Variants in C1QTNF7 observed in about 807,000 individuals in gnomAD.
The protein encoded by C1QTNF7 is complement C1q tumor necrosis factor-related protein 7.
Under a neutral mutation model 19.6 loss-of-function variants are expected in C1QTNF7, and 15 were observed. That is an observed-to-expected ratio of 0.76 (90% CI 0.51 to 1.18). The LOEUF is 1.18. Among genes scored for constraint, C1QTNF7 ranks in the 50% most tolerant of loss-of-function variants. The pLI is 0.00. For missense variants in C1QTNF7, 324 were observed against 359.7 expected (o/e 0.90, Z 0.80); for synonymous variants, 142 against 137.5 (o/e 1.03, Z -0.23).
chr4:15,428,172 G>A (rs995812496), intron 1 of C1QTNF7, 66 bp downstream of exon 1: 11 of 736,964 alleles, frequency 1.5e-5, no homozygotes, highest in Middle Eastern at 6.8e-4. Context: ...TTCTCGTGAC[G>A]GGAGCTTTTT....
At chr4:15,382,749 C>T (rs1180158528) in intron 1 of C1QTNF7, among the ~76,000 whole-genome samples, 1 of 152,162 alleles carries the variant, frequency 6.6e-6, no homozygotes, top group South Asian at 2.1e-4. Flanking sequence ...GCCAGACTTT[C>T]TTAAAAAAAG....
At chr4:15,371,612 C>T (rs1717731066) in intron 1 of C1QTNF7, among the ~76,000 whole-genome samples, 1 of 152,054 alleles carries the variant, frequency 6.6e-6, no homozygotes, top group Non-Finnish European at 1.5e-5. Flanking sequence ...TTATGACATC[C>T]TATGAAAGGA....
rs1307863380 is a variant in C1QTNF7, at chr4:15,443,550, T to A, written c.*751T>A. On this transcript the variant is annotated 3_prime_UTR_variant, in exon 3 of 3. Coordinates refer to ENST00000444304, the MANE Select transcript of C1QTNF7 (RefSeq NM_031911.5). Reference sequence around the variant, plus strand: ...GCTTTTACGCATGGAAAAACACTAATCATGCCAAGGTGTATGTGTTTAAGG... The same window carrying A: ...GCTTTTACGCATGGAAAAACACTAAACATGCCAAGGTGTATGTGTTTAAGG... The A allele has an allele frequency of 6.6e-6, 1 of 152,174 alleles. No homozygotes were observed. The highest frequency in any genetic ancestry group is 1.9e-4 in the East Asian group (1 of 5,188). The allele number at this position is 152,174 out of a possible 1,614,324, so 9.4% of individuals were successfully genotyped here.
At chr4:15,422,584 T>A (rs577093790) in intron 1 of C1QTNF7, among the ~76,000 whole-genome samples, 1 of 152,292 alleles carries the variant, frequency 6.6e-6, no homozygotes, top group Non-Finnish European at 1.5e-5. Flanking sequence ...TGATCTCTGT[T>A]TTTTAATATG....
chr4:15,427,943 C>G (rs1239676792), upstream of C1QTNF7: 1 of 843,404 alleles, frequency 1.2e-6, no homozygotes. Context: ...CTCTTTGGGA[C>G]TAAACGAGAA....
chr4:15,367,170 T>C (rs944879713), intron 1 of C1QTNF7, among the ~76,000 whole-genome samples: 2 of 152,208 alleles, frequency 1.3e-5, no homozygotes, highest in East Asian at 1.9e-4. Flanking sequence ...AATCCAAATC[T>C]TAAAATTAGA....
intron 1 of C1QTNF7, among the ~76,000 whole-genome samples, chr4:15,409,769 C>T (rs574809047): frequency 4.3e-4 from 66 of 152,234 alleles, no homozygotes; most frequent in African/African-American, 1.6e-3. Context: ...GTGAGCATCT[C>T]ATCTATGAAA....
upstream of C1QTNF7, among the ~76,000 whole-genome samples, chr4:15,423,191 T>G (rs1395984397): frequency 6.6e-6 from 1 of 152,214 alleles, no homozygotes; most frequent in Non-Finnish European, 1.5e-5. Context: ...AAGTCACTTC[T>G]TACTGAATCT....
rs983853481 is a variant in C1QTNF7, at chr4:15,444,252, T to C, written c.*1453T>C. The C allele has an allele frequency of 6.6e-6, 1 of 152,182 alleles. No homozygotes were observed. Among genetic ancestry groups the C allele is most frequent in the Admixed American group, 6.5e-5 (1 of 15,284 alleles). The allele number at this position is 152,182 out of a possible 1,614,324, so 9.4% of individuals were successfully genotyped here. On this transcript the variant is annotated 3_prime_UTR_variant, in exon 3 of 3. Transcript: ENST00000444304. ...TAGATTCTGTGAAGACAGAAGAGTATCAAGATTAATATATTAATAGTATAG... is the reference window on the plus strand; with the variant it reads ...TAGATTCTGTGAAGACAGAAGAGTACCAAGATTAATATATTAATAGTATAG...
chr4:15,351,644 A>C (rs1716944553), intron 1 of C1QTNF7, among the ~76,000 whole-genome samples: 1 of 152,148 alleles, frequency 6.6e-6, no homozygotes, highest in Non-Finnish European at 1.5e-5. Context: ...GGTGGAACCC[A>C]GGTGTGAATA....
upstream of C1QTNF7, among the ~76,000 whole-genome samples, chr4:15,426,092 T>A (rs16891939): frequency 0.26 from 39,423 of 151,944 alleles, 6,149 homozygotes; most frequent in East Asian, 0.38. Context: ...GGAACACTGA[T>A]GGGATTGGAA....
intron 1 of C1QTNF7, among the ~76,000 whole-genome samples, chr4:15,398,314 A>T (rs1325942288): frequency 6.6e-6 from 1 of 152,156 alleles, no homozygotes; most frequent in Non-Finnish European, 1.5e-5. Context: ...TTTTCCAAAC[A>T]CTAAAGGCAA....
At chr4:15,409,016 C>A (rs1307509463) in intron 1 of C1QTNF7, among the ~76,000 whole-genome samples, 1 of 152,196 alleles carries the variant, frequency 6.6e-6, no homozygotes, top group African/African-American at 2.4e-5. Flanking sequence ...CCAGTCTCAG[C>A]AAGTCCAACG....
At chr4:15,374,071 T>C (rs2109308652) in intron 1 of C1QTNF7, 1 of 152,338 alleles carries the variant, frequency 6.6e-6, no homozygotes, top group East Asian at 1.9e-4. Flanking sequence ...GATAGGTATC[T>C]TAAAAGATCG....
At chr4:15,364,559 A>G (rs529820207) in intron 1 of C1QTNF7, among the ~76,000 whole-genome samples, 76 of 152,338 alleles carry the variant, frequency 5.0e-4, no homozygotes, top group African/African-American at 1.7e-3. Flanking sequence ...TTGCCATAGA[A>G]TATTATCCAT....
chr4:15,359,231 G>A (rs1338789967), intron 1 of C1QTNF7, among the ~76,000 whole-genome samples: 1 of 152,106 alleles, frequency 6.6e-6, no homozygotes, highest in Non-Finnish European at 1.5e-5. Flanking sequence ...TGTGCCCAAG[G>A]GAGTTACATG....
intron 1 of C1QTNF7, among the ~76,000 whole-genome samples, chr4:15,367,752 T>C (rs1577238791): frequency 1.3e-5 from 2 of 152,314 alleles, no homozygotes; most frequent in South Asian, 2.1e-4. Context: ...TTAATTAAGA[T>C]AATGTCCAGA....
chr4:15,393,566 G>A (rs1235319976), intron 1 of C1QTNF7, among the ~76,000 whole-genome samples: 1 of 152,194 alleles, frequency 6.6e-6, no homozygotes, highest in Non-Finnish European at 1.5e-5. Flanking sequence ...GTGAAGTAGG[G>A]CTTGGGCATC....
intron 2 of C1QTNF7, among the ~76,000 whole-genome samples, chr4:15,439,322 T>A (rs1022772339): frequency 6.6e-6 from 1 of 152,258 alleles, no homozygotes; most frequent in African/African-American, 2.4e-5. Context: ...AAGGCCTTTT[T>A]GTGGACAGCA....
Sources: gnomAD v4.1 joint callset for allele counts (sites outside exome capture counted in the v4.1 genomes callset) on GRCh38, gnomAD v4.1.1 for gene constraint, MANE v1.5 for transcripts, NCBI Gene and HGNC (gene_info 2026-07-23, HGNC 2026-07-21) for gene names.